The following ADGRL3 variants were observed in gnomAD, a reference collection of about 807,000 sequenced individuals.
The protein encoded by ADGRL3 is adhesion G protein-coupled receptor L3, also known as calcium-independent alpha-latrotoxin receptor 3.
Under a neutral mutation model 153.5 loss-of-function variants are expected in ADGRL3, and 62 were observed. The observed-to-expected ratio is 0.40, with a 90% CI of 0.33 to 0.50. The LOEUF is 0.50. Ranked by LOEUF, ADGRL3 falls within the 20% of genes least tolerant of loss-of-function variation. ADGRL3 has a pLI of 0.47. For missense variants in ADGRL3, 1,641 were observed against 1,859.4 expected, an observed-to-expected ratio of 0.88 and a Z score of 2.16; for synonymous variants, 710 against 672.5, an observed-to-expected ratio of 1.06 and a Z score of -0.86.
At chr4:61,588,601 A>T (rs1292598252) in intron 5 of ADGRL3, among the ~76,000 whole-genome samples, 1 of 152,010 alleles carries the variant, frequency 6.6e-6, no homozygotes, top group Non-Finnish European at 1.5e-5. Flanking sequence ...ATGATGGCTC[A>T]TGCTAAGGTG....
At chr4:61,444,781 A>C (rs1298412050) in intron 2 of ADGRL3, among the ~76,000 whole-genome samples, 1 of 152,158 alleles carries the variant, frequency 6.6e-6, no homozygotes, top group African/African-American at 2.4e-5. Context: ...GGCTGGGCAC[A>C]GTGGCTCATG....
intron 1 of ADGRL3, among the ~76,000 whole-genome samples, chr4:61,306,151 G>T (rs2094777284): frequency 6.6e-6 from 1 of 151,848 alleles, no homozygotes; most frequent in Admixed American, 6.6e-5. Flanking sequence ...AGGCTGGAGT[G>T]CAGTGGCATG....
At chr4:61,938,453 T>G (rs550066693) in intron 15 of ADGRL3, among the ~76,000 whole-genome samples, 1 of 152,182 alleles carries the variant, frequency 6.6e-6, no homozygotes, top group African/African-American at 2.4e-5. Context: ...CATAATCTCT[T>G]TGCTGGATTA....
At chr4:61,594,564 T>C (rs541246291) in intron 5 of ADGRL3, among the ~76,000 whole-genome samples, 20 of 152,280 alleles carry the variant, frequency 1.3e-4, no homozygotes, top group African/African-American at 4.8e-4. Context: ...GAAAGAATTA[T>C]CTCACTTACC....
chr4:61,245,030 G>A (rs913891939), intron 1 of ADGRL3, among the ~76,000 whole-genome samples: 1 of 152,010 alleles, frequency 6.6e-6, no homozygotes, highest in Non-Finnish European at 1.5e-5. Flanking sequence ...CATGAAGAAC[G>A]GGGCTGCAAA....
chr4:61,873,664 A>T (rs754834461), intron 9 of ADGRL3, among the ~76,000 whole-genome samples: 8 of 152,216 alleles, frequency 5.3e-5, no homozygotes, highest in Non-Finnish European at 8.8e-5. Flanking sequence ...AAAAGATCCT[A>T]AGACCATTAT....
chr4:61,556,288 T>G (rs1457148375), intron 4 of ADGRL3, among the ~76,000 whole-genome samples: 1 of 152,016 alleles, frequency 6.6e-6, no homozygotes, highest in Non-Finnish European at 1.5e-5. Flanking sequence ...AGTGAAAAAG[T>G]GACTTCTGAG....
chr4:61,421,996 A>G (rs2097212772), intron 2 of ADGRL3, among the ~76,000 whole-genome samples: 1 of 152,136 alleles, frequency 6.6e-6, no homozygotes, highest in Non-Finnish European at 1.5e-5. Context: ...CCAATTCAAT[A>G]CCACAAGTTG....
At chr4:61,384,664 C>A (rs1346276299) in intron 2 of ADGRL3, among the ~76,000 whole-genome samples, 1 of 151,740 alleles carries the variant, frequency 6.6e-6, no homozygotes, top group African/African-American at 2.4e-5. Flanking sequence ...TTTTATTTAA[C>A]GGAAGTTTAA....
At chr4:61,503,777 T>G (rs571591772) in intron 3 of ADGRL3, among the ~76,000 whole-genome samples, 92 of 152,244 alleles carry the variant, frequency 6.0e-4, no homozygotes, top group Non-Finnish European at 1.1e-3. Context: ...TACATGTTTA[T>G]GGGGGTACTT....
chr4:61,676,329 C>G (rs1047265848), intron 5 of ADGRL3, among the ~76,000 whole-genome samples: 1 of 151,802 alleles, frequency 6.6e-6, no homozygotes, highest in Admixed American at 6.6e-5. Context: ...TAAATATTAA[C>G]TTTTTACTAA....
intron 1 of ADGRL3, among the ~76,000 whole-genome samples, chr4:61,362,919 G>A (rs1028822085): frequency 6.6e-6 from 1 of 151,982 alleles, no homozygotes; most frequent in Non-Finnish European, 1.5e-5. Context: ...TATTGCTAAT[G>A]TATAGTTTTC....
intron 1 of ADGRL3, among the ~76,000 whole-genome samples, chr4:61,226,790 T>C (rs111378062): frequency 6.9e-4 from 99 of 142,692 alleles, no homozygotes; most frequent in African/African-American, 2.4e-3. Context: ...TAGGTGTTAG[T>C]AGGAAAAAAA....
chr4:61,955,317 A>C (rs889638993), intron 17 of ADGRL3, among the ~76,000 whole-genome samples: 1 of 152,168 alleles, frequency 6.6e-6, no homozygotes, highest in Non-Finnish European at 1.5e-5. Context: ...CTTGTACCTC[A>C]GATATGTTCT....
intron 15 of ADGRL3, among the ~76,000 whole-genome samples, chr4:61,938,862 CAAAAAAAAAAAA>C (rs71213019): frequency 2.8e-5 from 2 of 71,506 alleles, no homozygotes; most frequent in Non-Finnish European, 5.0e-5. Flanking sequence ...CCCTCCTCCT[CAAAAAAAAAAAA>C]AAAAAAAAAA....
At chr4:61,499,831 A>G (rs2098364246) in intron 3 of ADGRL3, among the ~76,000 whole-genome samples, 1 of 152,176 alleles carries the variant, frequency 6.6e-6, no homozygotes, top group African/African-American at 2.4e-5. Flanking sequence ...GCAGAAACAG[A>G]CATTGTAAGA....
chr4:61,500,407 A>G (rs2098374471), intron 3 of ADGRL3, among the ~76,000 whole-genome samples: 1 of 152,152 alleles, frequency 6.6e-6, no homozygotes, highest in Non-Finnish European at 1.5e-5. Flanking sequence ...TTTGGAACCT[A>G]ACTTGCTCAT....
intron 4 of ADGRL3, among the ~76,000 whole-genome samples, chr4:61,561,290 C>T (rs955964842): frequency 4.6e-5 from 7 of 152,136 alleles, no homozygotes; most frequent in African/African-American, 1.7e-4. Flanking sequence ...ACCCAATCTT[C>T]TGGTTTAAGA....
chr4:61,240,421 C>A (rs1378779266), intron 1 of ADGRL3, among the ~76,000 whole-genome samples: 1 of 152,098 alleles, frequency 6.6e-6, no homozygotes, highest in Non-Finnish European at 1.5e-5. Flanking sequence ...CCAAAAGGAT[C>A]TTGCAAGATT....
Sources: gnomAD v4.1 joint callset for allele counts (sites outside exome capture counted in the v4.1 genomes callset) on GRCh38, gnomAD v4.1.1 for gene constraint, MANE v1.5 for transcripts, NCBI Gene and HGNC (gene_info 2026-07-23, HGNC 2026-07-21) for gene names.